The following EDEM1 variants were observed in gnomAD, a reference collection of about 807,000 sequenced individuals.
EDEM1 encodes ER degradation-enhancing alpha-mannosidase-like protein 1.
Under a neutral mutation model 74.4 loss-of-function variants are expected in EDEM1, and 67 were observed. That is an observed-to-expected ratio of 0.90 (90% confidence interval 0.74 to 1.10). The LOEUF (loss-of-function observed/expected upper bound fraction) is 1.10, where lower values mean the gene tolerates loss of function less well. Ranked by LOEUF, EDEM1 falls within the 50% of genes least tolerant of loss-of-function variation. The pLI, the probability that EDEM1 is intolerant of heterozygous loss-of-function variation, is 0.00. For synonymous variants in EDEM1, 382 were observed against 335.9 expected (o/e 1.14, Z -1.50); for missense variants, 926 against 851.6 (o/e 1.09, Z -1.09).
Position 5,187,738 on chromosome 3 carries a change from C to G in EDEM1, c.-68C>G. On this transcript the variant is annotated 5_prime_UTR_variant, in exon 1 of 12. Coordinates refer to ENST00000256497, the MANE Select transcript of EDEM1 (RefSeq NM_014674.3). Reference sequence around the variant, plus strand: ...GAAGCGAGCCGGGCTACGGGGCGAGCGCGGGGTGCGGTGGTCGGCGGGGAG... The same window carrying G: ...GAAGCGAGCCGGGCTACGGGGCGAGGGCGGGGTGCGGTGGTCGGCGGGGAG... 1 of 1,433,790 alleles carries G rather than the reference C, an allele frequency of 7.0e-7. No individual in the cohort carries two copies. The highest frequency in any genetic ancestry group is 9.1e-7 in the Non-Finnish European group (1 of 1,094,324). 88.8% of individuals were successfully genotyped at this position (1,433,790 alleles called of 1,614,324 possible).
chr3:5,200,257 A>C (rs1313333413), intron 3 of EDEM1, among the ~76,000 whole-genome samples: 4 of 152,180 alleles, frequency 2.6e-5, no homozygotes, highest in Non-Finnish European at 5.9e-5. Context: ...CGGGGGTGTA[A>C]AATAGGTGTC....
rs747423181 is a variant in EDEM1 at position 5,187,983 on chromosome 3, G to T, written c.178G>T (p.Val60Leu). The T allele has an allele frequency of 5.1e-5, 78 of 1,537,322 alleles. No homozygotes were observed. The highest frequency in any genetic ancestry group is 6.8e-5 in the Non-Finnish European group (78 of 1,145,002). ...CCCCGCGTCGCCCACCTCGGGGCCC[G>T]TGGGCCGGCCTGGGGGGGTATCCGG... The part of the protein sequence containing the change: ...DGPASPTSGP[V>L]GRPGGVSGPS... The change falls in exon 1 of 12, where the codon GTG (valine) becomes TTG (leucine). Residue 60 changes from valine to leucine, a missense_variant. Physicochemically the swap from Val to Leu is conservative, Grantham distance 32. Transcript: ENST00000256497.
chr3:5,211,240 C>T (rs746089033), intron 10 of EDEM1, 24 bp downstream of exon 10: 24 of 1,603,836 alleles, frequency 1.5e-5, no homozygotes, highest in African/African-American at 2.7e-5. Flanking sequence ...AAGATGAACC[C>T]AGGAATATTT....
rs2055258180 is a variant in EDEM1 at position 5,217,748 on chromosome 3, A to G, written c.*1830A>G. The G allele has an allele frequency of 6.6e-6, 1 of 151,898 alleles. No homozygotes were observed. The highest frequency in any genetic ancestry group is 1.5e-5 in the Non-Finnish European group (1 of 67,966). 9.4% of individuals were successfully genotyped at this position (151,898 alleles called of 1,614,324 possible). Reference sequence around the variant, plus strand: ...CTGAATAGAAAACTTTGAGAATAATATATATATATATTTTAAATGTTTTCA... The same window carrying G: ...CTGAATAGAAAACTTTGAGAATAATGTATATATATATTTTAAATGTTTTCA... On this transcript the variant is annotated 3_prime_UTR_variant, in exon 12 of 12. Transcript: ENST00000256497.
In EDEM1 at chr3:5,187,757, C is replaced by T; in HGVS notation, c.-49C>T. The stretch of plus-strand genomic sequence containing the variant: ...GGCGAGCGCGGGGTGCGGTGGTCGG[C>T]GGGGAGGCCCCCGCGCTTTAAAATA... On this transcript the variant is annotated 5_prime_UTR_variant, in exon 1 of 12. Transcript: ENST00000256497. The T allele has an allele frequency of 6.9e-7, 1 of 1,456,098 alleles. No individual in the cohort carries two copies. The highest frequency in any genetic ancestry group is 9.1e-7 in the Non-Finnish European group (1 of 1,104,218). The allele number at this position is 1,456,098 out of a possible 1,614,324, so 90.2% of individuals were successfully genotyped here. A position where few individuals can be genotyped will look rare whatever the true frequency, so the allele number is the denominator to read the frequency against.
chr3:5,209,717 T>G (rs1284225386), intron 8 of EDEM1, among the ~76,000 whole-genome samples: 1 of 152,182 alleles, frequency 6.6e-6, no homozygotes, highest in East Asian at 1.9e-4. Context: ...GGCGGCCTCC[T>G]TTCATACTTC....
rs201406952 is a variant in EDEM1, at chr3:5,206,133, C to CCAG, written c.1217+893_1217+895dup. Among the ~76,000 whole-genome samples, 1,000 of 151,986 alleles carry CCAG rather than the reference C, an allele frequency of 6.6e-3. 8 individuals are homozygous for CCAG. Among genetic ancestry groups the CCAG allele is most frequent in the Middle Eastern group, 0.038 (11 of 288 alleles). On this transcript the variant is annotated intron_variant, in intron 6 of 11. Transcript: ENST00000256497. ...TTATTCACCATTTTCTGTTGTTCCTCCAGGATGACAGGAGAGAGAGAGCCA... is the reference window on the plus strand; with the variant it reads ...TTATTCACCATTTTCTGTTGTTCCTCCAGCAGGATGACAGGAGAGAGAGAGCCA...
At chr3:5,207,810 G>A (rs1236571426) in intron 7 of EDEM1, among the ~76,000 whole-genome samples, 2 of 152,210 alleles carry the variant, frequency 1.3e-5, no homozygotes, top group African/African-American at 4.8e-5. Context: ...GCTGGGCTGT[G>A]TGAGATTTTT....
chr3:5,200,987 C>T (rs2055028167), intron 3 of EDEM1, among the ~76,000 whole-genome samples: 1 of 150,824 alleles, frequency 6.6e-6, no homozygotes, highest in Non-Finnish European at 1.5e-5. Context: ...GCCTTGAACT[C>T]CTGGGCTCAA....
At chr3:5,208,378 T>C (rs2055125491) in intron 8 of EDEM1, 115 bp downstream of exon 8, 1 of 1,252,280 alleles carries the variant, frequency 8.0e-7, no homozygotes, top group Non-Finnish European at 1.1e-6. Context: ...ATAGTGACTC[T>C]GATTGAGTTA....
At chr3:5,203,874 G>A (rs780651828) in intron 5 of EDEM1, among the ~76,000 whole-genome samples, 10 of 152,066 alleles carry the variant, frequency 6.6e-5, no homozygotes, top group Admixed American at 5.2e-4. Context: ...TGAGACGACC[G>A]GCTTGTGCCA....
In EDEM1 at chr3:5,207,209, T is replaced by C. The variant is rs548449722; in HGVS notation, c.1274T>C (p.Met425Thr). 4 of 1,614,198 alleles carry C rather than the reference T, an allele frequency of 2.5e-6. No individual in the cohort carries two copies. In the Admixed American group the frequency reaches 5.0e-5, roughly 20 times the overall value. Residue 425 changes from methionine to threonine, a missense_variant, in exon 7 of 12, where the codon ATG becomes ACG. Met to Thr is a moderately conservative substitution (Grantham distance 81). Coordinates refer to ENST00000256497, the MANE Select transcript of EDEM1 (RefSeq NM_014674.3). ...CCTCCACTCTATGTCAACGTGAACA[T>C]GTTCAGTGGGCAGCTGATGAACACC... ...GDPPLYVNVN[M>T]FSGQLMNTWI...
intron 1 of EDEM1, 72 bp from the exon 2 acceptor site, chr3:5,195,137 A>G: frequency 1.2e-6 from 1 of 820,304 alleles, no homozygotes; most frequent in South Asian, 2.2e-5. Flanking sequence ...ATAGTTTCTG[A>G]TGGGTGTTTA....
At chr3:5,200,088 A>G (rs1462707538) in intron 3 of EDEM1, among the ~76,000 whole-genome samples, 1 of 151,984 alleles carries the variant, frequency 6.6e-6, no homozygotes, top group Non-Finnish European at 1.5e-5. Flanking sequence ...GGCACTCACC[A>G]CCACACCTAA....
intron 2 of EDEM1, among the ~76,000 whole-genome samples, chr3:5,198,583 C>A (rs372149001): frequency 6.7e-6 from 1 of 149,860 alleles, no homozygotes; most frequent in Non-Finnish European, 1.5e-5. Flanking sequence ...GGGTGAAATT[C>A]AGCAGAATTG....
Position 5,208,237 on chromosome 3 carries a change from G to C in EDEM1, c.1483G>C (p.Val495Leu). The change falls in exon 8 of 12, where the codon GTG becomes CTG. Residue 495 changes from valine (V) to leucine (L), a missense_variant. Val to Leu is a conservative substitution (Grantham distance 32). Coordinates refer to ENST00000256497, the MANE Select transcript of EDEM1 (RefSeq NM_014674.3). The part of the protein sequence containing the change: ...VLFYPLRPEL[V>L]ESTYLLYQAT... ...CTTCTACCCACTGAGACCAGAGTTA[G>C]TGGAATCCACATATCTCCTCTACCA... 6.2e-7 allele frequency: 1 copy of C among 1,612,456 alleles called. No individual in the cohort carries two copies. The highest frequency in any genetic ancestry group is 1.7e-5 in the Admixed American group (1 of 59,602).
At chr3:5,214,107 T>G (rs137881569) in intron 11 of EDEM1, among the ~76,000 whole-genome samples, 74 of 152,326 alleles carry the variant, frequency 4.9e-4, no homozygotes, top group African/African-American at 1.5e-3. Context: ...AAAGTGGGGC[T>G]TTACTCCACA....
intron 8 of EDEM1, 130 bp from the exon 9 acceptor site, chr3:5,210,045 G>A: frequency 1.4e-6 from 1 of 734,540 alleles, no homozygotes; most frequent in Non-Finnish European, 2.4e-6. Context: ...CAAGATAAAT[G>A]ACCTGGGCCC....
At chr3:5,198,453 A>C (rs2054995962) in intron 2 of EDEM1, among the ~76,000 whole-genome samples, 1 of 152,196 alleles carries the variant, frequency 6.6e-6, no homozygotes, top group South Asian at 2.1e-4. Context: ...CTGCAGTTTT[A>C]CATAAACAGT....
Sources: allele counts gnomAD v4.1 joint callset (sites outside exome capture counted in the v4.1 genomes callset), GRCh38; gene constraint gnomAD v4.1.1; transcripts MANE v1.5; gene names NCBI Gene and HGNC (gene_info 2026-07-23, HGNC 2026-07-21).